The following GRM7 variants were observed in gnomAD, a reference collection of about 807,000 sequenced individuals.
GRM7 encodes metabotropic glutamate receptor 7.
A neutral mutation model predicts 84.5 loss-of-function variants in GRM7; 35 were observed. The ratio of observed to expected loss-of-function variants is 0.41; its 90% CI spans 0.32 to 0.55. The LOEUF (loss-of-function observed/expected upper bound fraction) is 0.55, where lower values mean the gene tolerates loss of function less well. GRM7 is among the 20% of genes least tolerant of loss of function. The pLI is 0.19. For missense variants in GRM7, 1,003 were observed against 1,194.6 expected (o/e 0.84, Z 2.36); for synonymous variants, 487 against 455.1 (o/e 1.07, Z -0.89).
At chr3:7,229,243 ATACT>A (rs1697081829) in intron 2 of GRM7, among the ~76,000 whole-genome samples, 1 of 152,184 alleles carries the variant, frequency 6.6e-6, no homozygotes. Flanking sequence ...CAAAAACAAA[ATACT>A]TACTCTGTAG....
At chr3:7,102,148 C>A (rs1699132868) in intron 1 of GRM7, among the ~76,000 whole-genome samples, 1 of 151,658 alleles carries the variant, frequency 6.6e-6, no homozygotes, top group Non-Finnish European at 1.5e-5. Flanking sequence ...TCTGTTCAGT[C>A]CTCATGCTGC....
chr3:7,462,802 C>T (rs1298428182), intron 7 of GRM7, among the ~76,000 whole-genome samples: 1 of 152,044 alleles, frequency 6.6e-6, no homozygotes, highest in African/African-American at 2.4e-5. Flanking sequence ...TGAACTGGCA[C>T]TAAAATTGGG....
chr3:7,485,714 G>C (rs1699295286), intron 7 of GRM7, among the ~76,000 whole-genome samples: 1 of 152,188 alleles, frequency 6.6e-6, no homozygotes, highest in East Asian at 1.9e-4. Context: ...TTTTCCCAGA[G>C]GGCCTTTCTG....
intron 2 of GRM7, among the ~76,000 whole-genome samples, chr3:7,246,784 C>A (rs1697777151): frequency 6.6e-6 from 1 of 151,974 alleles, no homozygotes; most frequent in Non-Finnish European, 1.5e-5. Context: ...TCAGAATTTT[C>A]TTTGTAAAGA....
chr3:7,026,087 G>A (rs919744289), intron 1 of GRM7, among the ~76,000 whole-genome samples: 7 of 152,168 alleles, frequency 4.6e-5, no homozygotes, highest in South Asian at 2.1e-4. Context: ...GAGGTGCAGG[G>A]AAAAGAAGTG....
intron 4 of GRM7, among the ~76,000 whole-genome samples, chr3:7,414,773 T>A (rs908116731): frequency 6.6e-6 from 1 of 152,114 alleles, no homozygotes; most frequent in South Asian, 2.1e-4. Flanking sequence ...TTCTTATAAC[T>A]CTGTTTTCTC....
At chr3:7,474,501 G>C (rs747760564) in intron 7 of GRM7, among the ~76,000 whole-genome samples, 6 of 149,814 alleles carry the variant, frequency 4.0e-5, no homozygotes, top group Non-Finnish European at 8.9e-5. Flanking sequence ...CAACTGAAAT[G>C]AGAAAAGTCC....
chr3:7,128,020 T>G (rs150800360), intron 1 of GRM7, among the ~76,000 whole-genome samples: 467 of 151,964 alleles, frequency 3.1e-3, no homozygotes, highest in Middle Eastern at 0.01. Flanking sequence ...TTTAGAGAGA[T>G]AAAGGTAAAA....
intron 1 of GRM7, among the ~76,000 whole-genome samples, chr3:6,940,383 C>T (rs976887963): frequency 1.3e-5 from 2 of 152,294 alleles, no homozygotes; most frequent in Admixed American, 6.5e-5. Context: ...AACCACTGCG[C>T]CCGGCCCGTT....
intron 7 of GRM7, among the ~76,000 whole-genome samples, chr3:7,488,847 T>G (rs980276902): frequency 6.6e-6 from 1 of 151,520 alleles, no homozygotes; most frequent in Non-Finnish European, 1.5e-5. Flanking sequence ...AAACCACTGA[T>G]CTAGTAAGGT....
At chr3:7,370,612 T>C (rs1238426693) in intron 4 of GRM7, among the ~76,000 whole-genome samples, 2 of 151,938 alleles carry the variant, frequency 1.3e-5, no homozygotes, top group African/African-American at 4.8e-5. Context: ...AATGGACTAA[T>C]ACAAAAGGAA....
At chr3:7,582,831 A>C (rs574095319) in intron 8 of GRM7, among the ~76,000 whole-genome samples, 3 of 152,234 alleles carry the variant, frequency 2.0e-5, no homozygotes, top group Non-Finnish European at 4.4e-5. Flanking sequence ...AAATTATTGC[A>C]TGTCTCCCCA....
chr3:7,540,801 A>G (rs912666975), intron 7 of GRM7, among the ~76,000 whole-genome samples: 8 of 152,312 alleles, frequency 5.3e-5, no homozygotes, highest in African/African-American at 1.9e-4. Context: ...CCAGCAAGTG[A>G]TATCCATTGG....
chr3:7,348,282 C>T (rs900229036), intron 4 of GRM7, among the ~76,000 whole-genome samples: 1 of 152,018 alleles, frequency 6.6e-6, no homozygotes, highest in African/African-American at 2.4e-5. Context: ...ATTTTTTTCT[C>T]CCACTAGGTC....
intron 1 of GRM7, among the ~76,000 whole-genome samples, chr3:6,939,623 C>T (rs1341895690): frequency 6.6e-6 from 1 of 152,152 alleles, no homozygotes; most frequent in African/African-American, 2.4e-5. Flanking sequence ...AAAAGCTCCA[C>T]AGTAGGCAAT....
chr3:7,139,081 A>G (rs1219947874), intron 1 of GRM7, among the ~76,000 whole-genome samples: 1 of 147,500 alleles, frequency 6.8e-6, no homozygotes, highest in Non-Finnish European at 1.5e-5. Flanking sequence ...ATATTATATA[A>G]TGTACTATAT....
At chr3:6,895,307 G>A (rs1200789642) in intron 1 of GRM7, among the ~76,000 whole-genome samples, 1 of 152,082 alleles carries the variant, frequency 6.6e-6, no homozygotes, top group Non-Finnish European at 1.5e-5. Context: ...GAATCTGAGG[G>A]GTGAAATTAA....
chr3:7,216,099 T>A (rs1696600598), intron 2 of GRM7, among the ~76,000 whole-genome samples: 1 of 152,240 alleles, frequency 6.6e-6, no homozygotes, highest in Non-Finnish European at 1.5e-5. Context: ...TTTCCAGCTC[T>A]GATTCTATTT....
intron 4 of GRM7, among the ~76,000 whole-genome samples, chr3:7,338,355 G>A (rs971781727): frequency 3.9e-5 from 6 of 151,986 alleles, no homozygotes; most frequent in African/African-American, 1.4e-4. Context: ...GGAAGTGTGA[G>A]AGGGTAGTGA....
Sources: allele counts gnomAD v4.1 joint callset (sites outside exome capture counted in the v4.1 genomes callset), GRCh38; gene constraint gnomAD v4.1.1; transcripts MANE v1.5; gene names NCBI Gene and HGNC (gene_info 2026-07-23, HGNC 2026-07-21).